FAM13A: variants seen among roughly 807,000 people sequenced by gnomAD.
FAM13A encodes protein FAM13A.
FAM13A carries 76 observed loss-of-function variants against 129.6 expected under a neutral mutation model. That is an observed-to-expected ratio of 0.59 (90% CI 0.49 to 0.71). The LOEUF is 0.71. Ranked by LOEUF, FAM13A falls within the 30% of genes least tolerant of loss-of-function variation. FAM13A has a pLI of 0.00. For missense variants in FAM13A, 1,108 were observed against 1,249.3 expected (o/e 0.89, Z 1.70); for synonymous variants, 443 against 449.9 (o/e 0.98, Z 0.20).
chr4:88,854,465 G>A (rs1738151217), intron 6 of FAM13A, among the ~76,000 whole-genome samples: 1 of 152,200 alleles, frequency 6.6e-6, no homozygotes, highest in Non-Finnish European at 1.5e-5. Context: ...GACTGGGGAG[G>A]CCAGCTTTCT....
intron 8 of FAM13A, among the ~76,000 whole-genome samples, chr4:88,797,390 G>A (rs1184216063): frequency 2.0e-5 from 3 of 150,950 alleles, no homozygotes; most frequent in African/African-American, 4.9e-5. Context: ...CTCTTGCTTC[G>A]GCCTCACAAG....
chr4:89,045,066 A>G (rs1371858887), intron 1 of FAM13A, among the ~76,000 whole-genome samples: 3 of 152,226 alleles, frequency 2.0e-5, no homozygotes, highest in East Asian at 3.8e-4. Flanking sequence ...TGGTTAAAAT[A>G]GTAAATTTTA....
chr4:88,735,946 C>A (rs1238465692), intron 21 of FAM13A, among the ~76,000 whole-genome samples: 2 of 151,872 alleles, frequency 1.3e-5, no homozygotes, highest in African/African-American at 4.8e-5. Context: ...TTTGGTGAAA[C>A]CCTTATTAAG....
chr4:89,018,355 C>T (rs575934759), intron 3 of FAM13A, among the ~76,000 whole-genome samples: 1 of 152,318 alleles, frequency 6.6e-6, no homozygotes, highest in African/African-American at 2.4e-5. Flanking sequence ...AGAGAGGCCT[C>T]AGGAGAAACC....
chr4:88,990,052 A>C (rs1237279436), intron 4 of FAM13A: 1 of 152,180 alleles, frequency 6.6e-6, no homozygotes, highest in Non-Finnish European at 1.5e-5. Context: ...AACATATCCT[A>C]TGAAATGCCA....
chr4:88,868,763 T>G (rs894877984), intron 6 of FAM13A, among the ~76,000 whole-genome samples: 1 of 152,200 alleles, frequency 6.6e-6, no homozygotes, highest in Non-Finnish European at 1.5e-5. Flanking sequence ...AAGCTCTATA[T>G]TGGCTAGTCA....
intron 10 of FAM13A, among the ~76,000 whole-genome samples, chr4:88,781,943 A>T (rs1162152695): frequency 6.6e-6 from 1 of 151,668 alleles, no homozygotes; most frequent in Non-Finnish European, 1.5e-5. Flanking sequence ...ATACATATGT[A>T]ACAAACCTGC....
At chr4:89,032,035 T>C (rs1279670151) in intron 1 of FAM13A, among the ~76,000 whole-genome samples, 2 of 151,822 alleles carry the variant, frequency 1.3e-5, no homozygotes, top group African/African-American at 4.8e-5. Context: ...CTGGCCAAAA[T>C]GGTGAAACCC....
In FAM13A at chr4:88,865,735, T is replaced by C. The variant is rs555539553; in HGVS notation, c.844-14552A>G. Among the ~76,000 whole-genome samples the C allele has an allele frequency of 2.8e-3, 432 of 152,254 alleles. 4 individuals are homozygous for C. Among genetic ancestry groups the C allele is most frequent in the African/African-American group, 9.9e-3 (412 of 41,544 alleles). The stretch of plus-strand genomic sequence containing the variant: ...ACAGCATGAAAGCAGCCACAGACAA[T>C]ATATAAACAAATGGGCACGGCTGTG... On this transcript the variant is annotated intron_variant, in intron 6 of 23. Coordinates refer to ENST00000264344, the MANE Select transcript of FAM13A (RefSeq NM_014883.4).
chr4:88,841,941 G>T (rs1434123650), intron 7 of FAM13A, among the ~76,000 whole-genome samples: 1 of 152,118 alleles, frequency 6.6e-6, no homozygotes, highest in Non-Finnish European at 1.5e-5. Context: ...CCGTACGAAG[G>T]CTTCTACAGA....
chr4:88,797,423 C>G (rs1253426579), intron 8 of FAM13A, among the ~76,000 whole-genome samples: 1 of 151,950 alleles, frequency 6.6e-6, no homozygotes, highest in African/African-American at 2.4e-5. Context: ...ATCAACACAC[C>G]TGGGCAATTT....
intron 4 of FAM13A, among the ~76,000 whole-genome samples, chr4:88,939,687 T>C (rs1227104444): frequency 5.3e-5 from 8 of 152,120 alleles, no homozygotes; most frequent in Non-Finnish European, 1.2e-4. Context: ...GTCGCTCCCA[T>C]GATTGTGTCA....
At chr4:88,757,355 C>A (rs1055519643) in intron 14 of FAM13A, among the ~76,000 whole-genome samples, 1 of 152,074 alleles carries the variant, frequency 6.6e-6, no homozygotes, top group Non-Finnish European at 1.5e-5. Context: ...TAGACCATAT[C>A]ACTAAGACAC....
chr4:88,777,135 T>TC (rs1721900509), intron 11 of FAM13A, among the ~76,000 whole-genome samples: 1 of 151,806 alleles, frequency 6.6e-6, no homozygotes, highest in African/African-American at 2.4e-5. Flanking sequence ...AGACTTTTTT[T>TC]CTAGGCCAGT....
intron 6 of FAM13A, among the ~76,000 whole-genome samples, chr4:88,899,441 C>T (rs1191771224): frequency 6.6e-6 from 1 of 151,818 alleles, no homozygotes; most frequent in East Asian, 1.9e-4. Context: ...AAAGAACTTA[C>T]TCATGTAGCC....
intron 4 of FAM13A, among the ~76,000 whole-genome samples, chr4:88,944,367 G>C (rs539399357): frequency 2.0e-5 from 3 of 152,102 alleles, no homozygotes; most frequent in African/African-American, 7.2e-5. Context: ...TTAAAAAAAA[G>C]AATTTGCCCT....
chr4:88,773,885 T>C (rs923341595), intron 11 of FAM13A, among the ~76,000 whole-genome samples: 8 of 152,326 alleles, frequency 5.3e-5, no homozygotes, highest in African/African-American at 1.9e-4. Flanking sequence ...GATCCTTTCA[T>C]AAGGTATATC....
intron 6 of FAM13A, among the ~76,000 whole-genome samples, chr4:88,880,492 G>T (rs542760335): frequency 7.0e-4 from 106 of 152,156 alleles, no homozygotes; most frequent in South Asian, 3.3e-3. Flanking sequence ...CCTTGGGCAG[G>T]ACTGCCAAAG....
chr4:89,020,390 T>C, intron 3 of FAM13A, 70 bp downstream of exon 3: 1 of 1,140,786 alleles, frequency 8.8e-7, no homozygotes, highest in Admixed American at 1.9e-5. Flanking sequence ...GTGTTGGGAT[T>C]ATAGGTGTGG....
Sources: gnomAD v4.1 joint callset for allele counts (sites outside exome capture counted in the v4.1 genomes callset) on GRCh38, gnomAD v4.1.1 for gene constraint, MANE v1.5 for transcripts, NCBI Gene and HGNC (gene_info 2026-07-23, HGNC 2026-07-21) for gene names.